The following LRRC4C variants were observed in gnomAD, a reference collection of about 807,000 sequenced individuals.
LRRC4C encodes leucine rich repeat containing 4C, also known as leucine-rich repeat-containing protein 4C.
Under a neutral mutation model 33.6 loss-of-function variants are expected in LRRC4C, and 5 were observed. The observed-to-expected ratio is 0.15, with a 90% CI of 0.08 to 0.31. The LOEUF is 0.31. Ranked by LOEUF, LRRC4C falls within the 10% of genes least tolerant of loss-of-function variation. The probability of loss-of-function intolerance (pLI) is 1.00; values close to 1 mark genes in which losing one functional copy is unlikely to be tolerated. For synonymous variants in LRRC4C, 329 were observed against 302.0 expected (o/e 1.09, Z -0.93); for missense variants, 560 against 796.7 (o/e 0.70, Z 3.58).
intron 3 of LRRC4C, among the ~76,000 whole-genome samples, chr11:40,487,435 G>T (rs1953918779): frequency 6.6e-6 from 1 of 152,018 alleles, no homozygotes; most frequent in African/African-American, 2.4e-5. Flanking sequence ...AACAGACTTT[G>T]TATGGCACAA....
intron 1 of LRRC4C, among the ~76,000 whole-genome samples, chr11:41,106,658 A>T (rs892314861): frequency 2.0e-5 from 3 of 152,008 alleles, no homozygotes; most frequent in African/African-American, 7.3e-5. Flanking sequence ...CATCTTTCTC[A>T]TATTTCTGAA....
chr11:40,492,493 A>AT (rs1954210404), intron 3 of LRRC4C, among the ~76,000 whole-genome samples: 2 of 151,898 alleles, frequency 1.3e-5, no homozygotes, highest in Admixed American at 6.6e-5. Flanking sequence ...ATCATGTTTC[A>AT]TTTTCCCTAG....
At chr11:40,555,108 T>C (rs560535051) in intron 3 of LRRC4C, among the ~76,000 whole-genome samples, 1 of 152,358 alleles carries the variant, frequency 6.6e-6, no homozygotes, top group East Asian at 1.9e-4. Flanking sequence ...TTTTGTATCC[T>C]GAAACTACTG....
Position 40,421,426 on chromosome 11 carries a change from C to T in LRRC4C, c.-269-101705G>A, listed in dbSNP as rs1324600428. ...TTGTAATAGGGCCTCCAGCCAGTCGCTTGTGGGCAACCTTCCATGCTGCAT... is the reference window on the plus strand; with the variant it reads ...TTGTAATAGGGCCTCCAGCCAGTCGTTTGTGGGCAACCTTCCATGCTGCAT... On this transcript the variant is annotated intron_variant, in intron 3 of 6. Transcript: ENST00000528697. 3.3e-5 allele frequency among the ~76,000 whole-genome samples: 5 copies of T among 152,310 alleles called. No individual in the cohort carries two copies. In the East Asian group the frequency reaches 9.7e-4, roughly 29 times the overall value.
intron 1 of LRRC4C, among the ~76,000 whole-genome samples, chr11:41,251,647 A>G (rs1333276251): frequency 6.6e-6 from 1 of 152,200 alleles, no homozygotes; most frequent in African/African-American, 2.4e-5. Context: ...AGCCCGGACT[A>G]ATTTGGAGCC....
intron 2 of LRRC4C, among the ~76,000 whole-genome samples, chr11:40,668,528 C>G (rs1190387214): frequency 6.6e-6 from 1 of 152,156 alleles, no homozygotes; most frequent in Non-Finnish European, 1.5e-5. Flanking sequence ...TTCCTTGTCT[C>G]TAAAGCCAGA....
intron 3 of LRRC4C, among the ~76,000 whole-genome samples, chr11:40,582,548 C>T (rs114818693): frequency 0.011 from 1,617 of 140,766 alleles, 27 homozygotes; most frequent in African/African-American, 0.04. Context: ...TGGAATGTCA[C>T]GCTTGTTGCC....
chr11:40,145,564 G>A (rs977053950), intron 5 of LRRC4C, among the ~76,000 whole-genome samples: 1 of 152,072 alleles, frequency 6.6e-6, no homozygotes, highest in Non-Finnish European at 1.5e-5. Flanking sequence ...CTTATCTATT[G>A]ATTACCTATA....
At chr11:40,200,563 A>G (rs1862644157) in intron 5 of LRRC4C, among the ~76,000 whole-genome samples, 1 of 152,052 alleles carries the variant, frequency 6.6e-6, no homozygotes. Context: ...TTCATGTGAC[A>G]GGTGTCCTGC....
At chr11:40,199,864 A>C (rs7106026) in intron 5 of LRRC4C, among the ~76,000 whole-genome samples, 20,684 of 152,026 alleles carry the variant, frequency 0.14, 1,504 homozygotes, top group Non-Finnish European at 0.15. Context: ...TCTTGTTTAA[A>C]CCTCACAAGA....
At chr11:40,348,677 A>T (rs2137064807) in intron 3 of LRRC4C, among the ~76,000 whole-genome samples, 1 of 152,178 alleles carries the variant, frequency 6.6e-6, no homozygotes, top group Non-Finnish European at 1.5e-5. Flanking sequence ...AACCCATGCA[A>T]ACTAAAAGAT....
intron 3 of LRRC4C, among the ~76,000 whole-genome samples, chr11:40,463,695 A>G (rs1292123986): frequency 6.6e-6 from 1 of 152,076 alleles, no homozygotes; most frequent in East Asian, 1.9e-4. Context: ...CAATGAACAA[A>G]GAGTTACTTG....
chr11:40,601,703 T>C (rs751417127), intron 3 of LRRC4C, among the ~76,000 whole-genome samples: 2 of 152,210 alleles, frequency 1.3e-5, no homozygotes, highest in Non-Finnish European at 2.9e-5. Flanking sequence ...GAATATTTTC[T>C]CATGAGTGTG....
intron 3 of LRRC4C, among the ~76,000 whole-genome samples, chr11:40,586,307 T>A (rs2135695734): frequency 6.6e-6 from 1 of 151,086 alleles, no homozygotes. Context: ...CTTCACCCAC[T>A]TTTTGATGGG....
intron 3 of LRRC4C, among the ~76,000 whole-genome samples, chr11:40,335,869 C>T (rs931085937): frequency 6.6e-6 from 1 of 152,194 alleles, no homozygotes; most frequent in African/African-American, 2.4e-5. Context: ...CGAGTCTCTA[C>T]TCCAACTTTT....
At chr11:40,836,714 C>T (rs1397020600) in intron 2 of LRRC4C, among the ~76,000 whole-genome samples, 2 of 152,158 alleles carry the variant, frequency 1.3e-5, no homozygotes, top group Non-Finnish European at 2.9e-5. Context: ...AGATGTCCTA[C>T]AGCAAGTTAT....
chr11:40,501,278 G>A (rs749415068), intron 3 of LRRC4C, among the ~76,000 whole-genome samples: 6 of 152,112 alleles, frequency 3.9e-5, no homozygotes, highest in South Asian at 2.1e-4. Flanking sequence ...GCAACCTGTC[G>A]GTGGAGCTAC....
At chr11:40,397,860 A>G (rs1336918321) in intron 3 of LRRC4C, among the ~76,000 whole-genome samples, 2 of 152,124 alleles carry the variant, frequency 1.3e-5, no homozygotes, top group Non-Finnish European at 2.9e-5. Flanking sequence ...GTAGAAAAAT[A>G]AGCACTTTTA....
At chr11:40,334,692 G>A (rs1230263481) in intron 3 of LRRC4C, among the ~76,000 whole-genome samples, 1 of 152,094 alleles carries the variant, frequency 6.6e-6, no homozygotes, top group African/African-American at 2.4e-5. Flanking sequence ...ACATAAATAT[G>A]CAAGCCATCC....
Sources: allele counts gnomAD v4.1 joint callset (sites outside exome capture counted in the v4.1 genomes callset), GRCh38; gene constraint gnomAD v4.1.1; transcripts MANE v1.5; gene names NCBI Gene and HGNC (gene_info 2026-07-23, HGNC 2026-07-21).